CSMD1: variants seen among roughly 807,000 people sequenced by gnomAD.
CSMD1 encodes CUB and Sushi multiple domains 1.
In CSMD1, 213 loss-of-function variants were observed where a neutral mutation model predicts 417.5. The ratio of observed to expected loss-of-function variants is 0.51; its 90% CI spans 0.46 to 0.57. CSMD1 has a LOEUF of 0.57. Among genes scored for constraint, CSMD1 ranks in the 20% least tolerant of loss-of-function variants. The pLI is 0.00. For missense variants in CSMD1, 6,923 were observed against 4,529.7 expected, an observed-to-expected ratio of 1.53 and a Z score of -15.17; for synonymous variants, 2,862 against 1,736.8, an observed-to-expected ratio of 1.65 and a Z score of -16.11.
chr8:4,637,452 C>T lies in CSMD1; in HGVS notation c.192G>A (p.Thr64=), dbSNP rs267601937. The change falls in exon 2 of 70, where the codon ACG becomes ACA. Residue 64 remains threonine, a synonymous_variant. Coordinates refer to ENST00000635120, the MANE Select transcript of CSMD1 (RefSeq NM_033225.6). ...ACAACTGTATCCTATTGCGCTCGCC[C>T]GTGATGATGATCCAGGTGCAGTTGG... ...NYANCTWIII[T]GERNRIQLSF... 5 of 1,613,640 alleles carry T rather than the reference C, an allele frequency of 3.1e-6. No individual in the cohort carries two copies. The highest frequency in any genetic ancestry group is 1.7e-5 in the Admixed American group (1 of 59,966).
chr8:4,289,263 C>T (rs973926729), intron 3 of CSMD1, among the ~76,000 whole-genome samples: 13 of 152,160 alleles, frequency 8.5e-5, no homozygotes, highest in Admixed American at 5.9e-4. Context: ...TCCCTGGAAG[C>T]CTCTTTAGGC....
chr8:4,848,599 G>A (rs992597212), intron 1 of CSMD1, among the ~76,000 whole-genome samples: 1 of 151,818 alleles, frequency 6.6e-6, no homozygotes, highest in Non-Finnish European at 1.5e-5. Flanking sequence ...CGGTGCTGTG[G>A]CACCGTGTCG....
intron 5 of CSMD1, among the ~76,000 whole-genome samples, chr8:3,802,758 T>C (rs1293641734): frequency 1.3e-5 from 2 of 152,182 alleles, no homozygotes; most frequent in Non-Finnish European, 2.9e-5. Context: ...GTGATGCAAA[T>C]GCTTGAAAAT....
At chr8:3,635,393 G>T (rs1414869673) in intron 7 of CSMD1, among the ~76,000 whole-genome samples, 2 of 151,846 alleles carry the variant, frequency 1.3e-5, no homozygotes, top group Non-Finnish European at 2.9e-5. Flanking sequence ...AGAATCACTT[G>T]AACCCGGTTG....
chr8:4,730,584 C>CA lies in CSMD1; in HGVS notation c.86-93027dup, dbSNP rs1266550620. 8.8e-4 allele frequency among the ~76,000 whole-genome samples: 133 copies of CA among 151,600 alleles called. 1 individual carries two copies. The highest frequency in any genetic ancestry group is 6.8e-3 in the Middle Eastern group (2 of 294). ...TGAAACTCCGTCTCTACTAAAAATA[C>CA]AAAAAAATTAGCCGGGCGTGGTGGC... On this transcript the variant is annotated intron_variant, in intron 1 of 69. Coordinates refer to ENST00000635120, the MANE Select transcript of CSMD1 (RefSeq NM_033225.6).
At chr8:3,946,529 G>T (rs1353336745) in intron 5 of CSMD1, among the ~76,000 whole-genome samples, 2 of 152,016 alleles carry the variant, frequency 1.3e-5, no homozygotes, top group African/African-American at 4.8e-5. Context: ...AATTTCATAT[G>T]AATTTTACAA....
intron 1 of CSMD1, among the ~76,000 whole-genome samples, chr8:4,736,113 C>T (rs1047374619): frequency 7.9e-5 from 12 of 152,142 alleles, no homozygotes; most frequent in Non-Finnish European, 1.8e-4. Context: ...TTCTCACGAG[C>T]TGTGAGGTGT....
chr8:3,365,112 A>G (rs1809467159), intron 20 of CSMD1, among the ~76,000 whole-genome samples: 2 of 152,212 alleles, frequency 1.3e-5, no homozygotes, highest in Admixed American at 6.5e-5. Flanking sequence ...ACTAATTGAG[A>G]TACACCAGGG....
chr8:3,952,223 G>C (rs1368958050), intron 5 of CSMD1, among the ~76,000 whole-genome samples: 1 of 152,114 alleles, frequency 6.6e-6, no homozygotes, highest in South Asian at 2.1e-4. Flanking sequence ...ATAATAAGAA[G>C]ATTAAGATGG....
At chr8:4,329,293 C>G (rs1239504762) in intron 3 of CSMD1, among the ~76,000 whole-genome samples, 1 of 152,034 alleles carries the variant, frequency 6.6e-6, no homozygotes, top group Non-Finnish European at 1.5e-5. Flanking sequence ...CAAAAAAATA[C>G]TCATTTATTT....
At chr8:3,191,969 A>T (rs1037052874) in intron 33 of CSMD1, among the ~76,000 whole-genome samples, 3 of 152,046 alleles carry the variant, frequency 2.0e-5, no homozygotes, top group Non-Finnish European at 4.4e-5. Flanking sequence ...CTATCTTCCC[A>T]CGGCTTTTTC....
intron 3 of CSMD1, among the ~76,000 whole-genome samples, chr8:4,119,095 G>T (rs888273245): frequency 7.2e-5 from 11 of 152,080 alleles, no homozygotes; most frequent in African/African-American, 2.7e-4. Context: ...CTGTCAGTGG[G>T]TGGGGACAAG....
At chr8:3,437,727 T>G (rs964585762) in intron 12 of CSMD1, among the ~76,000 whole-genome samples, 1 of 151,446 alleles carries the variant, frequency 6.6e-6, no homozygotes, top group Admixed American at 6.6e-5. Context: ...CCAAAGCCAC[T>G]ATAGATGCAG....
intron 2 of CSMD1, among the ~76,000 whole-genome samples, chr8:4,622,277 G>C (rs1046778016): frequency 2.6e-5 from 4 of 152,092 alleles, no homozygotes; most frequent in Non-Finnish European, 5.9e-5. Flanking sequence ...TTGCCTGGCT[G>C]AGATTCAGAG....
intron 3 of CSMD1, among the ~76,000 whole-genome samples, chr8:4,179,490 G>C (rs1352826399): frequency 1.3e-5 from 2 of 150,988 alleles, no homozygotes; most frequent in Non-Finnish European, 3.0e-5. Context: ...AGAAAACCTA[G>C]GCATTACCAT....
chr8:4,799,309 CAATTT>C (rs1258536087), intron 1 of CSMD1, among the ~76,000 whole-genome samples: 1 of 152,068 alleles, frequency 6.6e-6, no homozygotes, highest in Non-Finnish European at 1.5e-5. Context: ...CAAAGATGTT[CAATTT>C]AATTTATAAT....
chr8:4,649,475 G>C (rs948841556), intron 1 of CSMD1, among the ~76,000 whole-genome samples: 1 of 152,150 alleles, frequency 6.6e-6, no homozygotes, highest in Non-Finnish European at 1.5e-5. Flanking sequence ...CATATACAAA[G>C]CAAAGAAATG....
At chr8:3,092,290 A>C (rs1171099197) in intron 47 of CSMD1, among the ~76,000 whole-genome samples, 4 of 152,226 alleles carry the variant, frequency 2.6e-5, no homozygotes, top group African/African-American at 9.6e-5. Context: ...CCACATAGGT[A>C]ATTCTTAACA....
intron 1 of CSMD1, among the ~76,000 whole-genome samples, chr8:4,652,290 A>G (rs1803947404): frequency 6.6e-6 from 1 of 152,214 alleles, no homozygotes. Flanking sequence ...GAGACCAGGA[A>G]TAACTGTGAA....
Sources: allele counts gnomAD v4.1 joint callset (sites outside exome capture counted in the v4.1 genomes callset), GRCh38; gene constraint gnomAD v4.1.1; transcripts MANE v1.5; gene names NCBI Gene and HGNC (gene_info 2026-07-23, HGNC 2026-07-21).